Variants in ZNF816 observed in about 807,000 individuals in gnomAD.
ZNF816 encodes zinc finger protein 816A.
Under a neutral mutation model 8.3 loss-of-function variants are expected in ZNF816, and 11 were observed. The ratio of observed to expected loss-of-function variants is 1.32; its 90% CI spans 0.83 to 2.19. The LOEUF (loss-of-function observed/expected upper bound fraction) is 2.19, where lower values mean the gene tolerates loss of function less well. Among genes scored for constraint, ZNF816 ranks in the 30% most tolerant of loss-of-function variants. ZNF816 has a pLI of 0.00. For synonymous variants in ZNF816, 255 were observed against 254.5 expected (o/e 1.00, Z -0.02); for missense variants, 710 against 779.3 (o/e 0.91, Z 1.06).
At chr19:52,955,616 T>C (rs1041744694) in intron 2 of ZNF816, among the ~76,000 whole-genome samples, 1 of 152,204 alleles carries the variant, frequency 6.6e-6, no homozygotes, top group African/African-American at 2.4e-5. Context: ...CCCTAGTTTG[T>C]CTCCTCTTCC....
intron 1 of ZNF816, among the ~76,000 whole-genome samples, chr19:52,961,799 G>A (rs2083559335): frequency 6.6e-6 from 1 of 152,170 alleles, no homozygotes; most frequent in South Asian, 2.1e-4. Flanking sequence ...CCTCAATGTT[G>A]CTTCTTGTTA....
intron 1 of ZNF816, among the ~76,000 whole-genome samples, chr19:52,959,600 T>A (rs926846505): frequency 6.6e-6 from 1 of 152,126 alleles, no homozygotes; most frequent in Non-Finnish European, 1.5e-5. Context: ...AATTCAGGCC[T>A]TAGAACTCAG....
intron 2 of ZNF816, chr19:52,953,209 T>G (rs931061300): frequency 7.0e-5 from 17 of 243,902 alleles, no homozygotes; most frequent in South Asian, 6.0e-4. Flanking sequence ...CAGGACAATA[T>G]GGTGTAACCC....
chr19:52,952,907 A>G (rs1568437874), intron 2 of ZNF816, 30 bp from the exon 3 acceptor site: 1 of 1,580,918 alleles, frequency 6.3e-7, no homozygotes, highest in Non-Finnish European at 8.6e-7. Flanking sequence ...TCAACAAAAC[A>G]TTATGGAGGA....
intron 2 of ZNF816, among the ~76,000 whole-genome samples, 177 bp downstream of exon 2, chr19:52,955,850 A>G (rs1482593655): frequency 6.6e-6 from 1 of 152,102 alleles, no homozygotes; most frequent in African/African-American, 2.4e-5. Flanking sequence ...AGCTCATGTC[A>G]CTAGGTTATA....
Position 52,949,516 on chromosome 19 carries a change from A to G in ZNF816, c.*303T>C, listed in dbSNP as rs1044467. 228,356 of 602,072 alleles carry G rather than the reference A, an allele frequency of 0.38. 46,508 individuals are homozygous for G. Among genetic ancestry groups the G allele is most frequent in the African/African-American group, 0.64 (35,185 of 55,158 alleles). 37.3% of individuals were successfully genotyped at this position (602,072 alleles called of 1,614,324 possible). A position where few individuals can be genotyped will look rare whatever the true frequency, so the allele number is the denominator to read the frequency against. ...ATTTGTAAGGCATCTGTCCAGTATG[A>G]ATTCTCTGATGTCTAATGAGGTGTG... is the stretch of plus-strand genomic sequence containing the variant. On this transcript the variant is annotated 3_prime_UTR_variant, in exon 4 of 4. Coordinates refer to ENST00000444460, the MANE Select transcript of ZNF816 (RefSeq NM_001202457.3).
chr19:52,958,971 A>C (rs2083533514), intron 1 of ZNF816, among the ~76,000 whole-genome samples: 1 of 152,190 alleles, frequency 6.6e-6, no homozygotes, highest in Non-Finnish European at 1.5e-5. Context: ...GGGTTACCTG[A>C]CCTGACAAAG....
Position 52,950,335 on chromosome 19 carries a change from A to G in ZNF816, c.1440T>C (p.Pro480=), listed in dbSNP as rs376831866. The G allele has an allele frequency of 1.5e-5, 25 of 1,613,822 alleles. No homozygotes were observed. In the African/African-American group the frequency reaches 2.8e-4, roughly 18 times the overall value. The part of the protein sequence containing the change: ...YHHTLHTGEK[P]YTCNECGKVF... ...CCTTGCCACATTCATTACATGTGTA[A>G]GGTTTCTCTCCAGTGTGAAGTGTAT... is the stretch of plus-strand genomic sequence containing the variant. Residue 480 remains proline, a synonymous_variant, in exon 4 of 4, where the codon CCT becomes CCC. Transcript: ENST00000444460.
At chr19:52,955,448 G>A (rs2083501590) in intron 2 of ZNF816, among the ~76,000 whole-genome samples, 2 of 152,212 alleles carry the variant, frequency 1.3e-5, no homozygotes, top group Non-Finnish European at 2.9e-5. Context: ...CTTAAGCCCA[G>A]GAGTTCGAGG....
rs1178298139 is a variant in ZNF816, at chr19:52,957,855, A to G, written c.-15-1751T>C. Reference sequence around the variant, plus strand: ...TCTTCTACAGAGCACAGCTCTTTACAGCTAAGGTTACCCAGAACGGGAGTC... The same window carrying G: ...TCTTCTACAGAGCACAGCTCTTTACGGCTAAGGTTACCCAGAACGGGAGTC... On this transcript the variant is annotated intron_variant, in intron 1 of 3. Coordinates refer to ENST00000444460, the MANE Select transcript of ZNF816 (RefSeq NM_001202457.3). This position sits in a 1 kb window ranked among gnomAD's most constrained non-coding sequence, Gnocchi z 4.6. 6.6e-6 allele frequency among the ~76,000 whole-genome samples: 1 copy of G among 152,166 alleles called. No homozygotes were observed. The highest frequency in any genetic ancestry group is 2.4e-5 in the African/African-American group (1 of 41,444).
intron 2 of ZNF816, chr19:52,953,495 TTA>T (rs2083479001): frequency 8.8e-5 from 9 of 102,470 alleles, no homozygotes; most frequent in African/African-American, 5.0e-4. Context: ...AATATATATT[TTA>T]ATATTTAATT....
chr19:52,953,202 G>T, intron 2 of ZNF816: 1 of 250,366 alleles, frequency 4.0e-6, no homozygotes, highest in Non-Finnish European at 7.8e-6. Flanking sequence ...TCGAGCCCAG[G>T]ACAATATGGT....
chr19:52,958,280 C>T (rs538388727), intron 1 of ZNF816, among the ~76,000 whole-genome samples: 21 of 152,296 alleles, frequency 1.4e-4, no homozygotes, highest in African/African-American at 4.8e-4. Flanking sequence ...AGTACCTAAC[C>T]CGTACACGTT....
chr19:52,956,236 T>A, intron 1 of ZNF816, 132 bp from the exon 2 acceptor site: 2 of 1,015,138 alleles, frequency 2.0e-6, no homozygotes, highest in East Asian at 5.1e-5. Context: ...CCAGAGACCA[T>A]GCAGAGATAA....
In ZNF816 at chr19:52,957,470, G is replaced by C. The variant is rs1318249674; in HGVS notation, c.-15-1366C>G. ...TGCCCTCAGCTAAAAGGAAAACAAG[G>C]TGGCTCAGAGCAGGAGGCCCCAGAA... On this transcript the variant is annotated intron_variant, in intron 1 of 3. Coordinates refer to ENST00000444460, the MANE Select transcript of ZNF816 (RefSeq NM_001202457.3). This position sits in a 1 kb window ranked among gnomAD's most constrained non-coding sequence, Gnocchi z 4.6. Among the ~76,000 whole-genome samples, 1 of 152,184 alleles carries C rather than the reference G, an allele frequency of 6.6e-6. No homozygotes were observed. The highest frequency in any genetic ancestry group is 2.1e-4 in the South Asian group (1 of 4,834).
At position 52,958,728 on chromosome 19, in the gene ZNF816, C is replaced by G. The variant is rs549234546; in HGVS notation, c.-15-2624G>C. ...CAACAGGGGGAGCGCAGCCTGGGAT[C>G]AGAAGGAAAGCAGGCTTTTTGCAAC... On this transcript the variant is annotated intron_variant, in intron 1 of 3. Coordinates refer to ENST00000444460, the MANE Select transcript of ZNF816 (RefSeq NM_001202457.3). 2.0e-5 allele frequency among the ~76,000 whole-genome samples: 3 copies of G among 152,278 alleles called. No individual in the cohort carries two copies. In the South Asian group the frequency reaches 6.2e-4, roughly 32 times the overall value.
Position 52,951,152 on chromosome 19 carries a change from C to G in ZNF816, c.623G>C (p.Gly208Ala). ...RLKTHISNKYGKNFLHSSFTQ... is the reference protein window; with the variant it reads ...RLKTHISNKYAKNFLHSSFTQ... ...GAATGAAGAATGGAGGAAATTCTTC[C>G]CATACTTATTAGAAATATGAGTTTT... is the stretch of plus-strand genomic sequence containing the variant. The change falls in exon 4 of 4, where the codon GGG (glycine) becomes GCG (alanine). Residue 208 changes from glycine (G) to alanine (A), a missense_variant. Coordinates refer to ENST00000444460, the MANE Select transcript of ZNF816 (RefSeq NM_001202457.3). 1 of 1,614,038 alleles carries G rather than the reference C, an allele frequency of 6.2e-7. No homozygotes were observed. Among genetic ancestry groups the G allele is most frequent in the East Asian group, 2.2e-5 (1 of 44,874 alleles).
intron 3 of ZNF816, 175 bp from the exon 4 acceptor site, chr19:52,951,759 A>G (rs895045772): frequency 3.1e-6 from 2 of 642,538 alleles, no homozygotes; most frequent in Admixed American, 7.3e-5. Context: ...TTAGCCAGTC[A>G]TGGTGGTGGG....
Position 52,957,608 on chromosome 19 carries a change from G to A in ZNF816, c.-15-1504C>T, listed in dbSNP as rs11084211. Reference sequence around the variant, plus strand: ...GTTAGGGGCAAAGACATTGATTTTCGTATTGATACCAGTGCTGAACATTCA... The same window carrying A: ...GTTAGGGGCAAAGACATTGATTTTCATATTGATACCAGTGCTGAACATTCA... On this transcript the variant is annotated intron_variant, in intron 1 of 3. Transcript: ENST00000444460. This position sits in a 1 kb window ranked among gnomAD's most constrained non-coding sequence, Gnocchi z 4.6. Among the ~76,000 whole-genome samples the A allele has an allele frequency of 0.43, 64,777 of 151,958 alleles. 15,040 individuals are homozygous for A. The highest frequency in any genetic ancestry group is 0.62 in the African/African-American group (25,630 of 41,424).
Sources: gnomAD v4.1 joint callset for allele counts (sites outside exome capture counted in the v4.1 genomes callset) on GRCh38, gnomAD v4.1.1 for gene constraint, Gnocchi (gnomAD v3.1) non-coding constraint, MANE v1.5 for transcripts, NCBI Gene and HGNC (gene_info 2026-07-23, HGNC 2026-07-21) for gene names.